The following EPHA3 variants were observed in gnomAD, a reference collection of about 807,000 sequenced individuals.
The protein encoded by EPHA3 is ephrin type-A receptor 3.
A neutral mutation model predicts 107.1 loss-of-function variants in EPHA3; 42 were observed. That is an observed-to-expected ratio of 0.39 (90% CI 0.31 to 0.51). The LOEUF is 0.51. EPHA3 is among the 20% of genes least tolerant of loss of function. The probability of loss-of-function intolerance (pLI) is 0.78; values close to 1 mark genes in which losing one functional copy is unlikely to be tolerated. For missense variants in EPHA3, 1,183 were observed against 1,211.2 expected (o/e 0.98, Z 0.35); for synonymous variants, 461 against 424.8 (o/e 1.09, Z -1.05).
chr3:89,246,931 A>G (rs1340034981), intron 3 of EPHA3, among the ~76,000 whole-genome samples: 2 of 152,154 alleles, frequency 1.3e-5, no homozygotes, highest in Admixed American at 6.5e-5. Context: ...TTGAGTTCTT[A>G]CTGATGCTTT....
chr3:89,125,831 T>G (rs960024647), intron 1 of EPHA3, among the ~76,000 whole-genome samples: 2 of 151,682 alleles, frequency 1.3e-5, no homozygotes. Context: ...TAATCAAAAT[T>G]TTAGTACTGC....
chr3:89,223,708 A>C (rs191217396), intron 3 of EPHA3, among the ~76,000 whole-genome samples: 3 of 152,090 alleles, frequency 2.0e-5, no homozygotes, highest in Non-Finnish European at 2.9e-5. Flanking sequence ...ATACATTTGG[A>C]TTTTGTTTGT....
chr3:89,440,393 C>A (rs1233442392), intron 13 of EPHA3, among the ~76,000 whole-genome samples: 2 of 152,142 alleles, frequency 1.3e-5, no homozygotes, highest in African/African-American at 2.4e-5. Flanking sequence ...AACCAGCAAA[C>A]CTTTCCTAAA....
At chr3:89,474,239 T>C (rs1330847822) in intron 16 of EPHA3, among the ~76,000 whole-genome samples, 4 of 152,090 alleles carry the variant, frequency 2.6e-5, no homozygotes. Context: ...CAGTTTACGA[T>C]TATTGAAGAA....
intron 2 of EPHA3, among the ~76,000 whole-genome samples, chr3:89,129,418 C>T (rs1471630519): frequency 6.6e-6 from 1 of 151,794 alleles, no homozygotes. Context: ...AGACACTCCC[C>T]AATAGTTCAT....
intron 3 of EPHA3, among the ~76,000 whole-genome samples, chr3:89,316,214 A>G (rs1026640500): frequency 2.6e-5 from 4 of 151,530 alleles, no homozygotes; most frequent in African/African-American, 9.7e-5. Flanking sequence ...GTTGTGTGCT[A>G]TTTTCATGGC....
chr3:89,271,352 A>G (rs572964023), intron 3 of EPHA3, among the ~76,000 whole-genome samples: 2 of 152,054 alleles, frequency 1.3e-5, no homozygotes, highest in Non-Finnish European at 2.9e-5. Context: ...TCCCTTGCAG[A>G]GTACAGCAAA....
intron 2 of EPHA3, among the ~76,000 whole-genome samples, chr3:89,199,477 T>C (rs1271640876): frequency 6.6e-6 from 1 of 150,486 alleles, no homozygotes; most frequent in East Asian, 2.0e-4. Context: ...AATGGTGAAT[T>C]ATATGTTGTC....
At chr3:89,313,836 A>C (rs1706828765) in intron 3 of EPHA3, among the ~76,000 whole-genome samples, 1 of 151,946 alleles carries the variant, frequency 6.6e-6, no homozygotes, top group African/African-American at 2.4e-5. Context: ...AGTACTACAT[A>C]TTGTTGTTTA....
At chr3:89,208,330 A>T (rs1262413506) in intron 2 of EPHA3, among the ~76,000 whole-genome samples, 1 of 147,560 alleles carries the variant, frequency 6.8e-6, no homozygotes, top group Non-Finnish European at 1.5e-5. Context: ...AGATCGTGCC[A>T]TTGCACTCTA....
intron 5 of EPHA3, among the ~76,000 whole-genome samples, chr3:89,344,015 A>G (rs1018652108): frequency 8.5e-5 from 13 of 152,130 alleles, no homozygotes; most frequent in African/African-American, 3.1e-4. Flanking sequence ...CTAACACAGG[A>G]ATTTTAACAA....
chr3:89,189,775 T>G (rs1192691542), intron 2 of EPHA3, among the ~76,000 whole-genome samples: 1 of 152,230 alleles, frequency 6.6e-6, no homozygotes, highest in African/African-American at 2.4e-5. Flanking sequence ...ATTATCTATT[T>G]TTTAAAACTA....
intron 1 of EPHA3, among the ~76,000 whole-genome samples, chr3:89,111,161 T>A (rs1707096427): frequency 6.6e-6 from 1 of 152,074 alleles, no homozygotes; most frequent in South Asian, 2.1e-4. Flanking sequence ...TAGAGGAAAC[T>A]ATGCAATTGT....
At chr3:89,392,284 C>T (rs765726519) in intron 5 of EPHA3, among the ~76,000 whole-genome samples, 21 of 151,836 alleles carry the variant, frequency 1.4e-4, no homozygotes, top group Non-Finnish European at 2.6e-4. Context: ...ACTAAAAATA[C>T]GAAAATTAGC....
chr3:89,393,483 G>T (rs1708785348), intron 5 of EPHA3, among the ~76,000 whole-genome samples: 1 of 152,052 alleles, frequency 6.6e-6, no homozygotes, highest in Non-Finnish European at 1.5e-5. Context: ...GCTGTACCTG[G>T]TTATTTTCAA....
intron 5 of EPHA3, among the ~76,000 whole-genome samples, chr3:89,347,621 A>C (rs1457260994): frequency 6.7e-6 from 1 of 150,266 alleles, no homozygotes; most frequent in East Asian, 1.9e-4. Flanking sequence ...TCTCCTGCCT[A>C]ATTGCCCTGG....
intron 3 of EPHA3, among the ~76,000 whole-genome samples, chr3:89,277,442 T>G (rs1382856189): frequency 1.3e-5 from 2 of 152,172 alleles, no homozygotes; most frequent in Admixed American, 1.3e-4. Flanking sequence ...TTTGAAATTT[T>G]AAAGTCTAAA....
chr3:89,219,688 G>GTGTTTTTTTTT lies in EPHA3; in HGVS notation c.814+9169_814+9170insGTTTTTTTTTT. 3.8e-3 allele frequency among the ~76,000 whole-genome samples: 131 copies of GTGTTTTTTTTT among 34,434 alleles called. 46 individuals carry two copies. Among genetic ancestry groups the GTGTTTTTTTTT allele is most frequent in the Non-Finnish European group, 6.0e-3 (114 of 19,122 alleles). 22.6% of individuals were successfully genotyped at this position (34,434 alleles called of 152,430 possible). ...TTACCTCCAAGAGGCATTTGGCAAT[G>GTGTTTTTTTTT]TTTTTTTTTTTTTTGTTTTTTGTTT... On this transcript the variant is annotated intron_variant, in intron 3 of 16. Coordinates refer to ENST00000336596, the MANE Select transcript of EPHA3 (RefSeq NM_005233.6).
At chr3:89,407,468 T>C (rs1467591442) in intron 8 of EPHA3, 97 bp downstream of exon 8, 9 of 945,440 alleles carry the variant, frequency 9.5e-6, no homozygotes, top group Non-Finnish European at 1.5e-5. Context: ...CAATAAAATA[T>C]TTTAACAAAT....
Sources: allele counts gnomAD v4.1 joint callset (sites outside exome capture counted in the v4.1 genomes callset), GRCh38; gene constraint gnomAD v4.1.1; transcripts MANE v1.5; gene names NCBI Gene and HGNC (gene_info 2026-07-23, HGNC 2026-07-21).